The following TMEM223 variants were observed in gnomAD, a reference collection of about 807,000 sequenced individuals.
TMEM223 encodes transmembrane protein 223.
In TMEM223, 14 loss-of-function variants were observed where a neutral mutation model predicts 14.1. The observed-to-expected ratio is 0.99, with a 90% CI of 0.66 to 1.55. The LOEUF (loss-of-function observed/expected upper bound fraction) is 1.55, where lower values mean the gene tolerates loss of function less well. Among genes scored for constraint, TMEM223 ranks in the 40% most tolerant of loss-of-function variants. The pLI is 0.00. For synonymous variants in TMEM223, 145 were observed against 120.5 expected (o/e 1.20, Z -1.33); for missense variants, 346 against 269.9 (o/e 1.28, Z -1.97).
chr11:62,781,130 G>C (rs1233240387), intron 1 of TMEM223, among the ~76,000 whole-genome samples: 3 of 150,848 alleles, frequency 2.0e-5, no homozygotes, highest in African/African-American at 7.3e-5. Flanking sequence ...CAGCTACTTG[G>C]GAGGCTGAGG....
downstream of TMEM223, chr11:62,787,590 A>G (rs1267006610): frequency 6.9e-7 from 1 of 1,444,138 alleles, no homozygotes; most frequent in Non-Finnish European, 9.1e-7. Context: ...TGGCGAGGCC[A>G]CTTTCGCTTT....
At chr11:62,778,924 G>A (rs2084206848) in intron 1 of TMEM223, 11 of 1,614,064 alleles carry the variant, frequency 6.8e-6, no homozygotes, top group Non-Finnish European at 9.3e-6. Flanking sequence ...ATCACCAGGT[G>A]ACTCGTGCTG....
intron 1 of TMEM223, chr11:62,776,391 C>T: frequency 1.2e-6 from 2 of 1,613,562 alleles, no homozygotes; most frequent in Non-Finnish European, 1.7e-6. Context: ...CAGAATAGCT[C>T]TCAGTTCATG....
At chr11:62,791,046 T>A in intron 1 of TMEM223, 131 bp from the exon 2 acceptor site, 1 of 961,822 alleles carries the variant, frequency 1.0e-6, no homozygotes, top group East Asian at 2.7e-5. Context: ...TTTTTGAGAC[T>A]GAGTCTCACT....
intron 1 of TMEM223, chr11:62,778,904 C>G: frequency 6.2e-7 from 1 of 1,614,066 alleles, no homozygotes; most frequent in Non-Finnish European, 8.5e-7. Flanking sequence ...AGATGACCTT[C>G]TCAAGTACTA....
downstream of TMEM223, chr11:62,787,233 C>G (rs1590940732): frequency 6.4e-7 from 1 of 1,571,338 alleles, no homozygotes; most frequent in South Asian, 1.1e-5. Flanking sequence ...CCATGATCGG[C>G]CGTACCAGCC....
chr11:62,788,703 A>G (rs2084320932), downstream of TMEM223, among the ~76,000 whole-genome samples: 1 of 150,478 alleles, frequency 6.6e-6, no homozygotes, highest in Admixed American at 6.6e-5. Context: ...AGCACCTCAC[A>G]GATAGTTATT....
At chr11:62,787,647 C>G, downstream of TMEM223, 1 of 1,255,808 alleles carries the variant, frequency 8.0e-7, no homozygotes, top group Non-Finnish European at 1.1e-6. Flanking sequence ...TGGTGAGGCA[C>G]GGCTGGCGCC....
At chr11:62,785,675 C>A (rs1284703961), downstream of TMEM223, among the ~76,000 whole-genome samples, 10 of 152,042 alleles carry the variant, frequency 6.6e-5, no homozygotes, top group African/African-American at 2.4e-4. Context: ...GTTGAGATTA[C>A]AGGCAACTGC....
chr11:62,781,108 C>T (rs1242030373), intron 1 of TMEM223, among the ~76,000 whole-genome samples: 1 of 151,228 alleles, frequency 6.6e-6, no homozygotes, highest in African/African-American at 2.4e-5. Flanking sequence ...TGGTGGTGGG[C>T]GCCTGTAATC....
rs748474375 is a variant in TMEM223 at position 62,790,841 on chromosome 11, GCCC to G, written c.388_390del (p.Gly130del). 8.7e-6 allele frequency: 14 copies of G among 1,605,126 alleles called. No homozygotes were observed. In the South Asian group the frequency reaches 1.6e-4, roughly 18 times the overall value. Reference sequence around the variant, plus strand: ...GCATGAGTGGTGAGGGTCACCTGCTGCCCTCCAGCTCGAAGCACCACTGAGCGC... The same window carrying G: ...GCATGAGTGGTGAGGGTCACCTGCTGTCCAGCTCGAAGCACCACTGAGCGC... On this transcript the variant is annotated inframe_deletion, in exon 2 of 2. Transcript: ENST00000307366.
At chr11:62,778,415 A>C in intron 1 of TMEM223, 3 of 1,524,312 alleles carry the variant, frequency 2.0e-6, no homozygotes, top group Non-Finnish European at 2.7e-6. Context: ...TGTGCCCCCG[A>C]GTCTGCGTCT....
chr11:62,786,862 C>T, downstream of TMEM223: 10 of 1,590,950 alleles, frequency 6.3e-6, no homozygotes, highest in Admixed American at 1.7e-5. Context: ...GGCGGCAGCC[C>T]CGGACTCGGT....
chr11:62,782,800 T>C, downstream of TMEM223: 3 of 1,613,976 alleles, frequency 1.9e-6, no homozygotes. Flanking sequence ...GGAGCCGTGG[T>C]GGGGCTGCAT....
rs745735294 is a variant in TMEM223 at position 62,790,904 on chromosome 11, G to GT, written c.327dup (p.Leu110ThrfsTer53). ...AGAGAGAAGAGAAGACCAGCACCGA[G>GT]TACGAGGGCTCCTGCAGGCAGGGCA... On this transcript the variant is annotated frameshift_variant, in exon 2 of 2. Transcript: ENST00000307366. LOFTEE classifies it high-confidence loss of function. 6.3e-7 allele frequency: 1 copy of GT among 1,579,744 alleles called. No individual in the cohort carries two copies.
At chr11:62,782,355 G>C (rs1327330160) in intron 1 of TMEM223, 2 of 1,609,076 alleles carry the variant, frequency 1.2e-6, no homozygotes, top group Non-Finnish European at 1.7e-6. Flanking sequence ...GCCTAAACCT[G>C]CGGGTGGGAT....
At chr11:62,774,466 T>G in intron 2 of TMEM223, 1 of 413,744 alleles carries the variant, frequency 2.4e-6, no homozygotes, top group South Asian at 1.7e-5. Flanking sequence ...TGTAGGGACC[T>G]GGACGTCACT....
At chr11:62,787,296 A>G (rs753559869), downstream of TMEM223, 8 of 1,537,698 alleles carry the variant, frequency 5.2e-6, no homozygotes, top group Non-Finnish European at 7.0e-6. Context: ...TGCCGCTCTG[A>G]GTCAGTGGCC....
downstream of TMEM223, among the ~76,000 whole-genome samples, chr11:62,788,384 C>G (rs564566898): frequency 6.8e-6 from 1 of 147,644 alleles, no homozygotes; most frequent in African/African-American, 2.5e-5. Context: ...GCCTGGGTGA[C>G]GAGCGAATCT....
Sources: allele counts gnomAD v4.1 joint callset (sites outside exome capture counted in the v4.1 genomes callset), GRCh38; gene constraint gnomAD v4.1.1; transcripts MANE v1.5; gene names NCBI Gene and HGNC (gene_info 2026-07-23, HGNC 2026-07-21).